Variants in AOPEP observed in about 807,000 individuals in gnomAD.
AOPEP encodes the protein aminopeptidase O.
AOPEP carries 77 observed loss-of-function variants against 98.1 expected under a neutral mutation model. The ratio of observed to expected loss-of-function variants is 0.78; its 90% CI spans 0.65 to 0.95. The LOEUF (loss-of-function observed/expected upper bound fraction) is 0.95, where lower values mean the gene tolerates loss of function less well. Among genes scored for constraint, AOPEP ranks in the 40% least tolerant of loss-of-function variants. AOPEP has a pLI of 0.00. For synonymous variants in AOPEP, 346 were observed against 365.3 expected (o/e 0.95, Z 0.60); for missense variants, 1,024 against 1,024.7 (o/e 1.00, Z 0.01).
At chr9:95,051,255 A>G (rs923379824) in intron 13 of AOPEP, among the ~76,000 whole-genome samples, 1 of 151,408 alleles carries the variant, frequency 6.6e-6, no homozygotes. Context: ...ACACCCAGCT[A>G]ATTTTTGTAT....
At chr9:94,869,344 G>A (rs981979955) in intron 5 of AOPEP, among the ~76,000 whole-genome samples, 1 of 152,252 alleles carries the variant, frequency 6.6e-6, no homozygotes, top group African/African-American at 2.4e-5. Flanking sequence ...TGTGTCTGAA[G>A]TTCCAAGTTT....
chr9:95,073,717 G>A (rs908556827), intron 14 of AOPEP, among the ~76,000 whole-genome samples: 1 of 152,166 alleles, frequency 6.6e-6, no homozygotes, highest in African/African-American at 2.4e-5. Context: ...AAATTAGCCA[G>A]GCGTGGTGGC....
chr9:94,737,954 TGA>T (rs1315740919), intron 1 of AOPEP, among the ~76,000 whole-genome samples: 4 of 152,312 alleles, frequency 2.6e-5, no homozygotes, highest in African/African-American at 9.6e-5. Context: ...AGTGTAGTGC[TGA>T]GAGTTCAGGG....
chr9:94,874,678 AC>A (rs2046720118), intron 5 of AOPEP, among the ~76,000 whole-genome samples: 2 of 152,072 alleles, frequency 1.3e-5, no homozygotes, highest in African/African-American at 4.8e-5. Context: ...CTTGGTCCCA[AC>A]CCACTAGGAA....
chr9:95,077,182 T>G (rs1457507554), intron 14 of AOPEP, among the ~76,000 whole-genome samples: 4 of 152,132 alleles, frequency 2.6e-5, no homozygotes, highest in Non-Finnish European at 5.9e-5. Flanking sequence ...GCCCAGGTTA[T>G]GTGTTTCTCC....
At chr9:94,906,486 A>ATAATAATAATAAT (rs1564358999) in intron 5 of AOPEP, among the ~76,000 whole-genome samples, 13 of 149,870 alleles carry the variant, frequency 8.7e-5, no homozygotes, top group Non-Finnish European at 1.2e-4. Context: ...TAATAATAAA[A>ATAATAATAATAAT]AAACAGACCC....
intron 5 of AOPEP, among the ~76,000 whole-genome samples, chr9:94,876,280 C>T (rs1271202665): frequency 6.6e-6 from 1 of 152,074 alleles, no homozygotes; most frequent in Admixed American, 6.6e-5. Flanking sequence ...CCTTGGAAAA[C>T]CCAAGCTTGC....
At chr9:94,790,899 A>G (rs1423450985) in intron 3 of AOPEP, among the ~76,000 whole-genome samples, 1 of 151,902 alleles carries the variant, frequency 6.6e-6, no homozygotes, top group African/African-American at 2.4e-5. Flanking sequence ...CAGTGATTGG[A>G]TGTCAAATGT....
At chr9:95,109,577 G>A in the AOPEP span, 1 of 152,236 alleles carries the variant, frequency 6.6e-6, no homozygotes, top group African/African-American at 2.4e-5. Flanking sequence ...CTGGCTGCTG[G>A]TGGAAAGGGT....
At chr9:94,936,125 A>G (rs1001981014) in intron 7 of AOPEP, among the ~76,000 whole-genome samples, 1 of 151,896 alleles carries the variant, frequency 6.6e-6, no homozygotes, top group Non-Finnish European at 1.5e-5. Context: ...AGTGTTTTCT[A>G]TTTTCTACTT....
chr9:94,891,563 A>G (rs570818353), intron 5 of AOPEP, among the ~76,000 whole-genome samples: 2 of 152,210 alleles, frequency 1.3e-5, no homozygotes, highest in East Asian at 1.9e-4. Flanking sequence ...AATACCATAT[A>G]CATATGTAAC....
intron 5 of AOPEP, among the ~76,000 whole-genome samples, chr9:94,850,401 C>A (rs149788239): frequency 6.6e-6 from 1 of 152,186 alleles, no homozygotes; most frequent in South Asian, 2.1e-4. Flanking sequence ...GCGGACACTA[C>A]AGAAATGACC....
At chr9:94,917,935 G>T (rs1035203839) in intron 5 of AOPEP, among the ~76,000 whole-genome samples, 27 of 151,968 alleles carry the variant, frequency 1.8e-4, no homozygotes, top group Non-Finnish European at 3.2e-4. Context: ...TCCTTTCTCT[G>T]CTTCTTTCCT....
In AOPEP at chr9:95,069,933, T is replaced by A. The variant is rs1249552658; in HGVS notation, c.2232+9123T>A. 2.0e-5 allele frequency among the ~76,000 whole-genome samples: 3 copies of A among 152,254 alleles called. No homozygotes were observed. In the South Asian group the frequency reaches 6.2e-4, roughly 31 times the overall value. ...TGCCTAGGAATTTACTAACCTGGCT[T>A]TGCGGTAGCAAATAAAGTAACTTTT... On this transcript the variant is annotated intron_variant, in intron 14 of 16. Coordinates refer to ENST00000375315, the MANE Select transcript of AOPEP (RefSeq NM_001193329.3).
At chr9:94,784,928 T>C (rs1261597499) in intron 3 of AOPEP, among the ~76,000 whole-genome samples, 1 of 150,302 alleles carries the variant, frequency 6.7e-6, no homozygotes, top group Non-Finnish European at 1.5e-5. Flanking sequence ...AGAACTATAT[T>C]TTATTTTATT....
the AOPEP span, chr9:95,109,811 C>T: frequency 6.6e-6 from 1 of 152,202 alleles, no homozygotes; most frequent in African/African-American, 2.4e-5. Context: ...CAATCACATA[C>T]GAATCATGCT....
chr9:95,111,336 C>CATA, the AOPEP span: 1 of 1,597,878 alleles, frequency 6.3e-7, no homozygotes, highest in African/African-American at 1.3e-5. Flanking sequence ...GTTGCCATGA[C>CATA]ATATGCCATC....
intron 5 of AOPEP, among the ~76,000 whole-genome samples, chr9:94,879,053 GCCAGTTTAT>G (rs1164837786): frequency 2.0e-5 from 3 of 152,226 alleles, no homozygotes; most frequent in African/African-American, 7.2e-5. Flanking sequence ...GATCAGATGA[GCCAGTTTAT>G]CAATCTGGGT....
chr9:94,816,741 G>T (rs1851779712), intron 5 of AOPEP, among the ~76,000 whole-genome samples: 1 of 152,132 alleles, frequency 6.6e-6, no homozygotes, highest in African/African-American at 2.4e-5. Context: ...CTAGGTCTGG[G>T]TTAGGAGGTG....
Sources: allele counts gnomAD v4.1 joint callset (sites outside exome capture counted in the v4.1 genomes callset), GRCh38; gene constraint gnomAD v4.1.1; transcripts MANE v1.5; gene names NCBI Gene and HGNC (gene_info 2026-07-23, HGNC 2026-07-21).